Variants in BANP observed in about 807,000 individuals in gnomAD.
BANP encodes BTG3 associated nuclear protein.
A neutral mutation model predicts 68.1 loss-of-function variants in BANP; 11 were observed. The ratio of observed to expected loss-of-function variants is 0.16; its 90% CI spans 0.10 to 0.27. The LOEUF (loss-of-function observed/expected upper bound fraction) is 0.27, where lower values mean the gene tolerates loss of function less well. BANP is among the 10% of genes least tolerant of loss of function. The probability of loss-of-function intolerance (pLI) is 1.00; values close to 1 mark genes in which losing one functional copy is unlikely to be tolerated. For synonymous variants in BANP, 329 were observed against 303.2 expected (o/e 1.09, Z -0.88); for missense variants, 504 against 722.7 (o/e 0.70, Z 3.47).
At position 88,004,096 on chromosome 16, in the gene BANP, G is replaced by C. The variant is rs902705811; in HGVS notation, c.363-199G>C. On this transcript the variant is annotated intron_variant, in intron 4 of 13. Transcript: ENST00000682872. This position sits in a 1 kb window ranked among gnomAD's most constrained non-coding sequence, Gnocchi z 7.0. ...CGTTCTGCTAAAAACCCCATCTCCAGTTTATTCTTCCTTAGCATTTGGGGC... is the reference window on the plus strand; with the variant it reads ...CGTTCTGCTAAAAACCCCATCTCCACTTTATTCTTCCTTAGCATTTGGGGC... Among the ~76,000 whole-genome samples, 1 of 152,216 alleles carries C rather than the reference G, an allele frequency of 6.6e-6. No individual in the cohort carries two copies. Among genetic ancestry groups the C allele is most frequent in the Non-Finnish European group, 1.5e-5 (1 of 68,034 alleles).
At chr16:88,025,193 G>A (rs2076750466) in intron 7 of BANP, among the ~76,000 whole-genome samples, 1 of 152,170 alleles carries the variant, frequency 6.6e-6, no homozygotes, top group South Asian at 2.1e-4. Flanking sequence ...TCAGTAGCTG[G>A]GCTCTCATGA....
At chr16:88,013,240 G>A (rs1342242230) in intron 6 of BANP, among the ~76,000 whole-genome samples, 5 of 152,212 alleles carry the variant, frequency 3.3e-5, no homozygotes, top group Admixed American at 6.5e-5. Flanking sequence ...CGCCTCTCCC[G>A]TGAGATGGAT....
chr16:88,025,968 G>A (rs867435716), intron 7 of BANP, among the ~76,000 whole-genome samples: 1 of 152,202 alleles, frequency 6.6e-6, no homozygotes, highest in Non-Finnish European at 1.5e-5. Flanking sequence ...GCCCACATTC[G>A]TCATCGCTAC....
chr16:88,071,944 C>T lies in BANP; in HGVS notation c.1378-125C>T. 7.8e-7 allele frequency: 1 copy of T among 1,287,614 alleles called. No individual in the cohort carries two copies. Among genetic ancestry groups the T allele is most frequent in the South Asian group, 1.3e-5 (1 of 77,810 alleles). The allele number at this position is 1,287,614 out of a possible 1,614,324, so 79.8% of individuals were successfully genotyped here. A position where few individuals can be genotyped will look rare whatever the true frequency, so the allele number is the denominator to read the frequency against. ...CAGAGTCCTCGGTGTGGCCCTGAGG[C>T]CGTGTCCCTGCCGCTCAGGGGACAG... On this transcript the variant is annotated intron_variant, in intron 12 of 13. Coordinates refer to ENST00000682872, the MANE Select transcript of BANP (RefSeq NM_001386991.1). This position sits in a 1 kb window ranked among gnomAD's most constrained non-coding sequence, Gnocchi z 6.5.
chr16:88,062,674 C>T (rs1017681435), intron 11 of BANP, among the ~76,000 whole-genome samples: 11 of 152,186 alleles, frequency 7.2e-5, no homozygotes, highest in African/African-American at 1.9e-4. Context: ...GCCAGGACAC[C>T]GTCCGTTCCA....
At chr16:87,975,746 T>C (rs1345796919) in intron 2 of BANP, among the ~76,000 whole-genome samples, 2 of 150,498 alleles carry the variant, frequency 1.3e-5, no homozygotes, top group Non-Finnish European at 2.9e-5. Flanking sequence ...ATGTTGTGTG[T>C]GTAATCCCCT....
At chr16:87,950,274 G>A (rs1567550841), upstream of BANP, among the ~76,000 whole-genome samples, 2 of 152,156 alleles carry the variant, frequency 1.3e-5, no homozygotes, top group Non-Finnish European at 2.9e-5. Flanking sequence ...AAACAGAGGC[G>A]AGTATAAAGA....
intron 11 of BANP, among the ~76,000 whole-genome samples, chr16:88,053,668 A>G (rs1484090446): frequency 1.6e-3 from 243 of 147,732 alleles, no homozygotes; most frequent in Non-Finnish European, 2.6e-3. Flanking sequence ...CACCTTCACC[A>G]CCACCACCAC....
At chr16:87,967,729 C>G (rs1199493059) in intron 1 of BANP, among the ~76,000 whole-genome samples, 1 of 151,172 alleles carries the variant, frequency 6.6e-6, no homozygotes, top group Non-Finnish European at 1.5e-5. Flanking sequence ...TCAAGTGATT[C>G]TGCTGCCTCA....
chr16:88,031,460 C>T lies in BANP; in HGVS notation c.1064-1649C>T, dbSNP rs564455374. Among the ~76,000 whole-genome samples, 25 of 152,016 alleles carry T rather than the reference C, an allele frequency of 1.6e-4. No individual in the cohort carries two copies. In the East Asian group the frequency reaches 3.7e-3, roughly 22 times the overall value. On this transcript the variant is annotated intron_variant, in intron 8 of 13. Transcript: ENST00000682872. ...GGAGTTCAAAACCAGCCTGGCCAAC[C>T]TGGTGAAATCCCTTCTCTACAAAAA...
intron 1 of BANP, among the ~76,000 whole-genome samples, chr16:87,953,667 G>C (rs370215408): frequency 4.6e-4 from 70 of 152,266 alleles, no homozygotes; most frequent in African/African-American, 1.6e-3. Flanking sequence ...CCTGTACAGC[G>C]TGGATTTTTC....
chr16:88,060,727 C>A (rs1158382318), intron 11 of BANP, among the ~76,000 whole-genome samples: 1 of 152,034 alleles, frequency 6.6e-6, no homozygotes, highest in East Asian at 1.9e-4. Context: ...TGGATGGCAG[C>A]CCGGCCGGGC....
intron 11 of BANP, among the ~76,000 whole-genome samples, chr16:88,048,827 C>A (rs947347677): frequency 6.6e-6 from 1 of 151,906 alleles, no homozygotes; most frequent in East Asian, 1.9e-4. Context: ...GAAAGGACAT[C>A]GATTCTAACA....
At chr16:88,046,157 G>GTC (rs2081981313) in intron 11 of BANP, among the ~76,000 whole-genome samples, 1 of 152,360 alleles carries the variant, frequency 6.6e-6, no homozygotes, top group Admixed American at 6.5e-5. Context: ...TTTGAGTGAC[G>GTC]TCACTGGACT....
intron 1 of BANP, among the ~76,000 whole-genome samples, chr16:87,964,568 G>A (rs938542581): frequency 6.7e-6 from 1 of 149,960 alleles, no homozygotes; most frequent in Non-Finnish European, 1.5e-5. Flanking sequence ...AGAGCCCCAG[G>A]GGCTGCAGAG....
intron 1 of BANP, among the ~76,000 whole-genome samples, chr16:87,964,379 G>T (rs1458487672): frequency 6.6e-6 from 1 of 152,254 alleles, no homozygotes; most frequent in Non-Finnish European, 1.5e-5. Context: ...CAGATGTGTA[G>T]TAAGTCAGAC....
intron 5 of BANP, among the ~76,000 whole-genome samples, chr16:88,005,776 G>A (rs1017355359): frequency 1.4e-4 from 21 of 152,254 alleles, no homozygotes; most frequent in Admixed American, 2.0e-4. Flanking sequence ...ACTCTTACCA[G>A]CATTTTATGG....
At chr16:88,063,836 T>G (rs1373488321) in intron 11 of BANP, among the ~76,000 whole-genome samples, 1 of 152,190 alleles carries the variant, frequency 6.6e-6, no homozygotes, top group Admixed American at 6.5e-5. Flanking sequence ...AATCTAACTT[T>G]GCAGCTTTAC....
At chr16:88,037,653 A>C in intron 10 of BANP, 1 of 374,430 alleles carries the variant, frequency 2.7e-6, no homozygotes, top group South Asian at 2.5e-5. Flanking sequence ...TCTCTCTGCT[A>C]CTTTCTGTAC....
Sources: allele counts gnomAD v4.1 joint callset (sites outside exome capture counted in the v4.1 genomes callset), GRCh38; gene constraint gnomAD v4.1.1; non-coding constraint Gnocchi (gnomAD v3.1); transcripts MANE v1.5; gene names NCBI Gene and HGNC (gene_info 2026-07-23, HGNC 2026-07-21).